The following ZBTB7C variants were observed in gnomAD, a reference collection of about 807,000 sequenced individuals.
ZBTB7C encodes the protein zinc finger and BTB domain-containing protein 7C.
In ZBTB7C, 8 loss-of-function variants were observed where a neutral mutation model predicts 25.7. That is an observed-to-expected ratio of 0.31 (90% CI 0.18 to 0.56). The LOEUF is 0.56. ZBTB7C is among the 20% of genes least tolerant of loss of function. ZBTB7C has a pLI of 0.91. For synonymous variants in ZBTB7C, 394 were observed against 369.0 expected (o/e 1.07, Z -0.78); for missense variants, 824 against 855.2 (o/e 0.96, Z 0.46).
chr18:48,187,901 A>G lies in ZBTB7C; in HGVS notation c.-78-1906T>C, dbSNP rs189196026. ...GGCAGGGAGAGGAGAATGAGGAGTT[A>G]TTGTTTAATGGGGACAGAGCTTCGT... On this transcript the variant is annotated intron_variant, in intron 2 of 4. Coordinates refer to ENST00000590800, the MANE Select transcript of ZBTB7C (RefSeq NM_001318841.2). Among the ~76,000 whole-genome samples, 17 of 151,534 alleles carry G rather than the reference A, an allele frequency of 1.1e-4. No homozygotes were observed. The East Asian group carries it at 2.1e-3, about 19-fold the overall frequency.
At chr18:48,356,200 T>C (rs1035698011) in intron 1 of ZBTB7C, among the ~76,000 whole-genome samples, 1 of 152,190 alleles carries the variant, frequency 6.6e-6, no homozygotes, top group Admixed American at 6.5e-5. Flanking sequence ...GGCATCATCT[T>C]GTCGGACTGT....
At chr18:48,330,733 T>C (rs2144908248) in intron 2 of ZBTB7C, among the ~76,000 whole-genome samples, 1 of 150,894 alleles carries the variant, frequency 6.6e-6, no homozygotes, top group South Asian at 2.1e-4. Flanking sequence ...TGCTGGGTCC[T>C]GGTGGGAAGA....
At chr18:48,301,208 A>G (rs922278540) in intron 2 of ZBTB7C, among the ~76,000 whole-genome samples, 1 of 152,184 alleles carries the variant, frequency 6.6e-6, no homozygotes, top group Non-Finnish European at 1.5e-5. Flanking sequence ...GCCAGAGTAA[A>G]AAGGCATGGT....
At chr18:48,216,801 T>C (rs965007051) in intron 2 of ZBTB7C, among the ~76,000 whole-genome samples, 2 of 152,032 alleles carry the variant, frequency 1.3e-5, no homozygotes, top group African/African-American at 4.8e-5. Flanking sequence ...CCCTCATCAT[T>C]TGTTGTGGGT....
At chr18:48,031,371 G>A (rs1176228728) in intron 4 of ZBTB7C, among the ~76,000 whole-genome samples, 1 of 152,010 alleles carries the variant, frequency 6.6e-6, no homozygotes, top group East Asian at 1.9e-4. Flanking sequence ...AGGGAAGTGG[G>A]GTCACCCTCT....
At chr18:48,266,501 T>C (rs2044318832) in intron 2 of ZBTB7C, among the ~76,000 whole-genome samples, 1 of 152,250 alleles carries the variant, frequency 6.6e-6, no homozygotes, top group Non-Finnish European at 1.5e-5. Context: ...CAGCCAAGAC[T>C]TGACCTGCAT....
At chr18:48,264,899 G>C (rs927267675) in intron 2 of ZBTB7C, among the ~76,000 whole-genome samples, 1 of 152,192 alleles carries the variant, frequency 6.6e-6, no homozygotes, top group African/African-American at 2.4e-5. Flanking sequence ...AAGGACAGGG[G>C]TCCCAAGTCC....
intron 1 of ZBTB7C, among the ~76,000 whole-genome samples, chr18:48,399,529 C>T (rs528731927): frequency 1.2e-3 from 185 of 152,244 alleles, no homozygotes; most frequent in African/African-American, 4.3e-3. Context: ...AAGGACTGGC[C>T]GGTGGGGTGG....
At chr18:48,286,976 A>C (rs941659979) in intron 2 of ZBTB7C, among the ~76,000 whole-genome samples, 1 of 152,144 alleles carries the variant, frequency 6.6e-6, no homozygotes, top group Non-Finnish European at 1.5e-5. Context: ...GCTTGAGCCC[A>C]GAAGGCAAAG....
At chr18:48,229,051 C>T (rs1364078322) in intron 2 of ZBTB7C, among the ~76,000 whole-genome samples, 5 of 152,078 alleles carry the variant, frequency 3.3e-5, no homozygotes, top group Admixed American at 1.3e-4. Context: ...GGAAGGGAGG[C>T]GGAAAAACAA....
chr18:48,089,686 C>T (rs2144542017), intron 3 of ZBTB7C, among the ~76,000 whole-genome samples: 1 of 152,282 alleles, frequency 6.6e-6, no homozygotes, highest in Non-Finnish European at 1.5e-5. Flanking sequence ...TTCTGATTAG[C>T]TTCCAGGTGA....
intron 2 of ZBTB7C, among the ~76,000 whole-genome samples, chr18:48,250,657 AT>A (rs2043823134): frequency 1.3e-5 from 2 of 152,306 alleles, no homozygotes; most frequent in South Asian, 4.1e-4. Flanking sequence ...AGAAATTAGC[AT>A]TGATAAAATG....
At chr18:48,033,432 A>C (rs2035844032) in intron 4 of ZBTB7C, among the ~76,000 whole-genome samples, 1 of 152,218 alleles carries the variant, frequency 6.6e-6, no homozygotes, top group African/African-American at 2.4e-5. Context: ...CAATCAAGAG[A>C]GGGCACCGGT....
At chr18:48,168,946 A>C (rs2041367470) in intron 3 of ZBTB7C, among the ~76,000 whole-genome samples, 1 of 152,158 alleles carries the variant, frequency 6.6e-6, no homozygotes, top group Admixed American at 6.5e-5. Context: ...TCAGCTGTGG[A>C]ATCTGAGCAA....
chr18:48,336,248 C>G (rs1202594895), intron 2 of ZBTB7C, among the ~76,000 whole-genome samples: 1 of 152,172 alleles, frequency 6.6e-6, no homozygotes, highest in African/African-American at 2.4e-5. Context: ...AAAGCCCAGG[C>G]CCCCAACCCT....
chr18:48,273,278 A>G (rs1174573927), intron 2 of ZBTB7C, among the ~76,000 whole-genome samples: 1 of 152,198 alleles, frequency 6.6e-6, no homozygotes, highest in African/African-American at 2.4e-5. Context: ...AAAATGCTGG[A>G]GAGACTTGCT....
At chr18:48,055,810 T>A (rs2036894583) in intron 3 of ZBTB7C, among the ~76,000 whole-genome samples, 1 of 152,152 alleles carries the variant, frequency 6.6e-6, no homozygotes, top group Non-Finnish European at 1.5e-5. Context: ...GTCGTCTTGC[T>A]CTGCGATTTT....
chr18:48,231,207 A>G (rs936101559), intron 2 of ZBTB7C, among the ~76,000 whole-genome samples: 7 of 152,206 alleles, frequency 4.6e-5, no homozygotes, highest in Non-Finnish European at 7.3e-5. Context: ...GGCCAGGGAC[A>G]GCCTGAGGCC....
At chr18:48,056,427 G>A (rs1232676493) in intron 3 of ZBTB7C, among the ~76,000 whole-genome samples, 1 of 152,112 alleles carries the variant, frequency 6.6e-6, no homozygotes, top group Non-Finnish European at 1.5e-5. Flanking sequence ...AGAAATTTTT[G>A]AAACAGATGA....
Sources: allele counts gnomAD v4.1 joint callset (sites outside exome capture counted in the v4.1 genomes callset), GRCh38; gene constraint gnomAD v4.1.1; transcripts MANE v1.5; gene names NCBI Gene and HGNC (gene_info 2026-07-23, HGNC 2026-07-21).